Variants in CEMIP observed in about 807,000 individuals in gnomAD.
CEMIP encodes the protein cell migration inducing hyaluronidase 1.
In CEMIP, 105 loss-of-function variants were observed where a neutral mutation model predicts 156.9. The ratio of observed to expected loss-of-function variants is 0.67; its 90% CI spans 0.57 to 0.79. The LOEUF is 0.79. Ranked by LOEUF, CEMIP falls within the 30% of genes least tolerant of loss-of-function variation. CEMIP has a pLI of 0.00. For missense variants in CEMIP, 1,457 were observed against 1,769.4 expected (o/e 0.82, Z 3.17); for synonymous variants, 676 against 668.4 (o/e 1.01, Z -0.17).
intron 1 of CEMIP, among the ~76,000 whole-genome samples, chr15:80,784,736 A>G (rs1259799445): frequency 6.6e-6 from 1 of 152,182 alleles, no homozygotes; most frequent in Non-Finnish European, 1.5e-5. Flanking sequence ...GGCACGTGTT[A>G]AAGTGAGAGT....
At chr15:80,922,721 C>T (rs779390090) in intron 17 of CEMIP, among the ~76,000 whole-genome samples, 3 of 152,182 alleles carry the variant, frequency 2.0e-5, no homozygotes, top group Non-Finnish European at 4.4e-5. Flanking sequence ...CCGTTGTGTC[C>T]AGCACCAAGC....
At chr15:80,892,300 C>T (rs1378125166) in intron 10 of CEMIP, among the ~76,000 whole-genome samples, 1 of 152,186 alleles carries the variant, frequency 6.6e-6, no homozygotes, top group African/African-American at 2.4e-5. Flanking sequence ...AGCAAGACTG[C>T]ACAGTTGACC....
At chr15:80,856,781 C>T (rs1897862211) in intron 1 of CEMIP, among the ~76,000 whole-genome samples, 1 of 152,176 alleles carries the variant, frequency 6.6e-6, no homozygotes, top group Non-Finnish European at 1.5e-5. Flanking sequence ...CCTAGGACTC[C>T]CTGTTTCTGG....
rs1399826017 is a variant in CEMIP at position 80,793,723 on chromosome 15, G to A, written c.-176+14109G>A. Among the ~76,000 whole-genome samples, 5 of 152,202 alleles carry A rather than the reference G, an allele frequency of 3.3e-5. No homozygotes were observed. In the East Asian group the frequency reaches 7.7e-4, roughly 23 times the overall value. ...CAGCATGCACCATGTCTCTCAGGGAGAGGTGCATAGTGTATAGTATCTCCC... is the reference window on the plus strand; with the variant it reads ...CAGCATGCACCATGTCTCTCAGGGAAAGGTGCATAGTGTATAGTATCTCCC... On this transcript the variant is annotated intron_variant, in intron 1 of 29. Coordinates refer to ENST00000394685, the MANE Select transcript of CEMIP (RefSeq NM_001293298.2).
At position 80,894,995 on chromosome 15, in the gene CEMIP, T is replaced by C. The variant is rs1899164129; in HGVS notation, c.1092T>C (p.Thr364=). 2 of 1,613,936 alleles carry C rather than the reference T, an allele frequency of 1.2e-6. No individual in the cohort carries two copies. Among genetic ancestry groups the C allele is most frequent in the East Asian group, 4.5e-5 (2 of 44,870 alleles). ...ICNRPIDIQA[T]TMDGVNLSTE... is the part of the protein sequence containing the mutation. The stretch of plus-strand genomic sequence containing the variant: ...AATTTCTGTGTCATTCCCAGGCCAC[T>C]ACAATGGATGGAGTTAACCTCAGCA... The change falls in exon 11 of 30, where the codon ACT becomes ACC. Residue 364 remains threonine, a synonymous_variant. Coordinates refer to ENST00000394685, the MANE Select transcript of CEMIP (RefSeq NM_001293298.2).
At chr15:80,842,148 C>T (rs1163493816) in intron 1 of CEMIP, 20 of 501,718 alleles carry the variant, frequency 4.0e-5, no homozygotes, top group East Asian at 1.7e-4. Context: ...CGTTGGGTAC[C>T]ATTTGTACGT....
chr15:80,788,331 C>T (rs1895992094), intron 1 of CEMIP, among the ~76,000 whole-genome samples: 1 of 151,696 alleles, frequency 6.6e-6, no homozygotes, highest in Non-Finnish European at 1.5e-5. Flanking sequence ...ATTAGCCAGG[C>T]ATGGTGACAC....
chr15:80,902,635 C>A (rs1899616172), intron 12 of CEMIP, among the ~76,000 whole-genome samples: 1 of 152,200 alleles, frequency 6.6e-6, no homozygotes, highest in African/African-American at 2.4e-5. Context: ...AATATTCTTG[C>A]AGCTCTCAAT....
chr15:80,781,100 C>T (rs891944785), intron 1 of CEMIP, among the ~76,000 whole-genome samples: 4 of 152,190 alleles, frequency 2.6e-5, no homozygotes, highest in Admixed American at 2.0e-4. Flanking sequence ...GAATCCGACC[C>T]AGGCAGTGAG....
chr15:80,933,465 G>T lies in CEMIP; in HGVS notation c.3009+5G>T, dbSNP rs1901003095. 5.0e-6 allele frequency: 8 copies of T among 1,612,046 alleles called. No individual in the cohort carries two copies. Among genetic ancestry groups the T allele is most frequent in the Non-Finnish European group, 6.8e-6 (8 of 1,178,208 alleles). Reference sequence around the variant, plus strand: ...TGCAGTGGGTGCTATGCACAGGTGGGGACACCATTCTGGGGGCCGGCCACT... The same window carrying T: ...TGCAGTGGGTGCTATGCACAGGTGGTGACACCATTCTGGGGGCCGGCCACT... On this transcript the variant is annotated splice_donor_5th_base_variant and intron_variant, in intron 23 of 29. Transcript: ENST00000394685.
At chr15:80,942,478 G>GA in intron 27 of CEMIP, 141 bp downstream of exon 27, 1 of 744,180 alleles carries the variant, frequency 1.3e-6, no homozygotes, top group South Asian at 1.5e-5. Context: ...TTGGGGCGGG[G>GA]AACCTGTTCC....
rs527990232 is a variant in CEMIP, at chr15:80,900,888, C to T, written c.1411+4828C>T. On this transcript the variant is annotated intron_variant, in intron 12 of 29. Transcript: ENST00000394685. ...CCCAGGCTGGCTGCAGACACGGACA[C>T]GATCTCCCTGGGTCCTTCTTCCTCA... 8 of 453,738 alleles carry T rather than the reference C, an allele frequency of 1.8e-5. No individual in the cohort carries two copies. The East Asian group carries it at 3.5e-4, about 20-fold the overall frequency. 28.1% of individuals were successfully genotyped at this position (453,738 alleles called of 1,614,324 possible). A position where few individuals can be genotyped will look rare whatever the true frequency, so the allele number is the denominator to read the frequency against.
intron 1 of CEMIP, among the ~76,000 whole-genome samples, chr15:80,782,344 G>A (rs1895819374): frequency 6.6e-6 from 1 of 152,168 alleles, no homozygotes; most frequent in African/African-American, 2.4e-5. Context: ...CTTTGCCCAG[G>A]GGTTCACTGA....
rs1896727338 is a variant in CEMIP, at chr15:80,813,899, C to G, written c.-176+34285C>G. On this transcript the variant is annotated intron_variant, in intron 1 of 29. Coordinates refer to ENST00000394685, the MANE Select transcript of CEMIP (RefSeq NM_001293298.2). Reference sequence around the variant, plus strand: ...TCTCTCACTTAAAATCCACTAGCCCCTGGGCTTCTCAAGGGTGGAAGAGAT... The same window carrying G: ...TCTCTCACTTAAAATCCACTAGCCCGTGGGCTTCTCAAGGGTGGAAGAGAT... Among the ~76,000 whole-genome samples the G allele has an allele frequency of 2.0e-5, 3 of 152,148 alleles. No individual in the cohort carries two copies. The South Asian group carries it at 6.2e-4, about 32-fold the overall frequency.
chr15:80,831,322 G>A (rs954263204), intron 1 of CEMIP, among the ~76,000 whole-genome samples: 4 of 152,148 alleles, frequency 2.6e-5, no homozygotes, highest in African/African-American at 9.7e-5. Context: ...TGGGGGATTG[G>A]GGGAGGATAG....
At chr15:80,841,088 C>G (rs1300242795) in intron 1 of CEMIP, among the ~76,000 whole-genome samples, 3 of 152,202 alleles carry the variant, frequency 2.0e-5, no homozygotes, top group Non-Finnish European at 4.4e-5. Context: ...TGTGCCCCAG[C>G]TGAACGGGGC....
chr15:80,784,365 C>T (rs79115383), intron 1 of CEMIP, among the ~76,000 whole-genome samples: 53 of 152,244 alleles, frequency 3.5e-4, no homozygotes, highest in African/African-American at 9.4e-4. Context: ...AGACATCACA[C>T]GGAGGAGGGA....
rs1399208309 is a variant in CEMIP at position 80,906,560 on chromosome 15, T to C, written c.1412-103T>C. 7.7e-6 allele frequency: 9 copies of C among 1,173,688 alleles called. No individual in the cohort carries two copies. The highest frequency in any genetic ancestry group is 1.1e-5 in the Non-Finnish European group (9 of 811,156). The allele number at this position is 1,173,688 out of a possible 1,614,324, so 72.7% of individuals were successfully genotyped here. ...ATGAGACCACTGTGCACACCAGGCA[T>C]GGCGATGAGTAAGCAGCAGCCATGG... On this transcript the variant is annotated intron_variant, in intron 12 of 29. Coordinates refer to ENST00000394685, the MANE Select transcript of CEMIP (RefSeq NM_001293298.2). The surrounding 1 kb of genome is among the most constrained non-coding windows in gnomAD (Gnocchi z 4.3).
intron 1 of CEMIP, among the ~76,000 whole-genome samples, chr15:80,794,763 G>T (rs1262122667): frequency 6.6e-6 from 1 of 152,148 alleles, no homozygotes; most frequent in East Asian, 1.9e-4. Flanking sequence ...TGTAGGTCTA[G>T]GGAGAGAGAC....
Sources: gnomAD v4.1 joint callset for allele counts (sites outside exome capture counted in the v4.1 genomes callset) on GRCh38, gnomAD v4.1.1 for gene constraint, Gnocchi (gnomAD v3.1) non-coding constraint, MANE v1.5 for transcripts, NCBI Gene and HGNC (gene_info 2026-07-23, HGNC 2026-07-21) for gene names.